Variants in DAB1 observed in about 807,000 individuals in gnomAD.
DAB1 encodes DAB adaptor protein 1.
Under a neutral mutation model 64.6 loss-of-function variants are expected in DAB1, and 15 were observed. That is an observed-to-expected ratio of 0.23 (90% CI 0.16 to 0.36). The LOEUF (loss-of-function observed/expected upper bound fraction) is 0.36. DAB1 is among the 10% of genes least tolerant of loss of function. The pLI is 1.00. For synonymous variants in DAB1, 235 were observed against 251.9 expected, an observed-to-expected ratio of 0.93 and a Z score of 0.64; for missense variants, 596 against 706.7, an observed-to-expected ratio of 0.84 and a Z score of 1.78.
chr1:57,908,102 C>T (rs1644582485), intron 5 of DAB1, among the ~76,000 whole-genome samples: 1 of 151,930 alleles, frequency 6.6e-6, no homozygotes, highest in African/African-American at 2.4e-5. Flanking sequence ...TTGCCTGAAA[C>T]GTCATTGTGC....
At chr1:58,146,171 A>G (rs1040800409) in intron 5 of DAB1, among the ~76,000 whole-genome samples, 4 of 152,200 alleles carry the variant, frequency 2.6e-5, no homozygotes, top group African/African-American at 9.6e-5. Flanking sequence ...GGTCAACAGT[A>G]GGTTATTAGT....
In DAB1 at chr1:57,246,714, G is replaced by A. The variant is rs368836507; in HGVS notation, c.67+44250C>T. Among the ~76,000 whole-genome samples the A allele has an allele frequency of 6.6e-4, 100 of 152,340 alleles. 1 individual carries two copies. The South Asian group carries it at 0.018, about 27-fold the overall frequency. On this transcript the variant is annotated intron_variant, in intron 2 of 14. Coordinates refer to ENST00000371236, the MANE Select transcript of DAB1 (RefSeq NM_001365792.1). ...ACAGGCACTGAATGCCAGCCCATAA[G>A]AGCAACCTCGGGGGCTATATCCTGC...
At chr1:57,274,646 T>C (rs2100604386) in intron 2 of DAB1, among the ~76,000 whole-genome samples, 1 of 152,292 alleles carries the variant, frequency 6.6e-6, no homozygotes, top group Admixed American at 6.5e-5. Context: ...AGCTGCGCCA[T>C]CTCAGCTCAC....
At chr1:57,768,572 A>G (rs1456393304) in intron 6 of DAB1, among the ~76,000 whole-genome samples, 1 of 149,978 alleles carries the variant, frequency 6.7e-6, no homozygotes, top group Admixed American at 6.7e-5. Flanking sequence ...TATATATATT[A>G]TCTATATATA....
intron 3 of DAB1, among the ~76,000 whole-genome samples, chr1:58,444,852 G>A (rs1271258555): frequency 6.6e-6 from 1 of 152,094 alleles, no homozygotes; most frequent in Non-Finnish European, 1.5e-5. Context: ...ATCAAATAAT[G>A]AGTGTTACTA....
At chr1:57,519,735 C>A (rs11810273) in intron 7 of DAB1, among the ~76,000 whole-genome samples, 3 of 152,140 alleles carry the variant, frequency 2.0e-5, no homozygotes, top group African/African-American at 7.2e-5. Flanking sequence ...ATCCTATCTC[C>A]TACTGCACAT....
At chr1:58,480,479 G>A (rs573336474) in intron 3 of DAB1, among the ~76,000 whole-genome samples, 1 of 152,110 alleles carries the variant, frequency 6.6e-6, no homozygotes, top group South Asian at 2.1e-4. Flanking sequence ...TCATCCACAG[G>A]TGAAGACAAG....
chr1:57,240,766 A>G (rs1006434005), intron 2 of DAB1, among the ~76,000 whole-genome samples: 6 of 152,206 alleles, frequency 3.9e-5, no homozygotes, highest in Admixed American at 2.6e-4. Context: ...CGGAAATTAA[A>G]ATTTTAGTCA....
chr1:57,019,268 C>T (rs1200831882), intron 11 of DAB1, among the ~76,000 whole-genome samples: 6 of 152,272 alleles, frequency 3.9e-5, no homozygotes, highest in South Asian at 2.1e-4. Flanking sequence ...GCATTTTTCC[C>T]GGTGTCTAAT....
At chr1:57,005,041 T>G (rs2100237811) in intron 14 of DAB1, among the ~76,000 whole-genome samples, 1 of 152,246 alleles carries the variant, frequency 6.6e-6, no homozygotes, top group South Asian at 2.1e-4. Flanking sequence ...AGTCTGGCTG[T>G]TAGGGTAGAA....
At chr1:58,422,575 G>A (rs1644782351) in intron 3 of DAB1, among the ~76,000 whole-genome samples, 2 of 151,004 alleles carry the variant, frequency 1.3e-5, no homozygotes, top group African/African-American at 4.9e-5. Context: ...GCTATGTGAT[G>A]AGGAAGCTGC....
At position 57,571,833 on chromosome 1, in the gene DAB1, G is replaced by A. The variant is rs914402743; in HGVS notation, n.625+77759C>T. Among the ~76,000 whole-genome samples the A allele has an allele frequency of 6.6e-5, 10 of 152,186 alleles. No homozygotes were observed. In the South Asian group the frequency reaches 1.0e-3, roughly 16 times the overall value. The stretch of plus-strand genomic sequence containing the variant: ...GGGTTCTAGCCCCAGGTCTGGTTAC[G>A]GAGCAAGTCACTGTGGGGAAAGGCT... On this transcript the variant is annotated intron_variant and non_coding_transcript_variant, in intron 7 of 20. Coordinates refer to the DAB1 transcript ENST00000485760.
At chr1:57,254,270 T>G (rs1669590675) in intron 2 of DAB1, among the ~76,000 whole-genome samples, 2 of 152,352 alleles carry the variant, frequency 1.3e-5, no homozygotes, top group African/African-American at 4.8e-5. Flanking sequence ...AAGCAGGAGC[T>G]TCTGCATTGA....
intron 6 of DAB1, among the ~76,000 whole-genome samples, chr1:57,735,144 T>C (rs1647622475): frequency 6.6e-6 from 1 of 152,148 alleles, no homozygotes; most frequent in Non-Finnish European, 1.5e-5. Flanking sequence ...CAAAGCATAA[T>C]TTTGGAGACC....
intron 6 of DAB1, among the ~76,000 whole-genome samples, chr1:57,775,632 T>C (rs367801547): frequency 6.6e-6 from 1 of 151,636 alleles, no homozygotes; most frequent in Non-Finnish European, 1.5e-5. Context: ...ATAAGTTCTA[T>C]TTTGGTGAAA....
chr1:58,259,134 T>C (rs1439747504), intron 4 of DAB1, among the ~76,000 whole-genome samples: 1 of 152,208 alleles, frequency 6.6e-6, no homozygotes, highest in East Asian at 1.9e-4. Context: ...TTAGCTTTCT[T>C]TCTATCTTCC....
chr1:58,286,654 A>G (rs1011737060), intron 4 of DAB1, among the ~76,000 whole-genome samples: 26 of 152,252 alleles, frequency 1.7e-4, no homozygotes, highest in Non-Finnish European at 1.5e-4. Flanking sequence ...CAATTATTAA[A>G]AAGTCAAGAA....
chr1:57,724,116 T>A (rs1359972428), intron 6 of DAB1, among the ~76,000 whole-genome samples: 1 of 152,026 alleles, frequency 6.6e-6, no homozygotes, highest in Non-Finnish European at 1.5e-5. Flanking sequence ...GGGTAGTAAT[T>A]GTTGGTGGTA....
At chr1:58,001,141 C>T (rs1266145969) in intron 5 of DAB1, among the ~76,000 whole-genome samples, 1 of 151,940 alleles carries the variant, frequency 6.6e-6, no homozygotes, top group African/African-American at 2.4e-5. Context: ...TCTCTCCTTG[C>T]ACCCCCAATT....
Sources: gnomAD v4.1 joint callset for allele counts (sites outside exome capture counted in the v4.1 genomes callset) on GRCh38, gnomAD v4.1.1 for gene constraint, MANE v1.5 for transcripts, NCBI Gene and HGNC (gene_info 2026-07-23, HGNC 2026-07-21) for gene names.